Variants in NCALD observed in about 807,000 individuals in gnomAD.
NCALD encodes neurocalcin-delta.
In NCALD, 10 loss-of-function variants were observed where a neutral mutation model predicts 18.6. That is an observed-to-expected ratio of 0.54 (90% confidence interval 0.33 to 0.91). The LOEUF (loss-of-function observed/expected upper bound fraction) is 0.91, where lower values mean the gene tolerates loss of function less well. Among genes scored for constraint, NCALD ranks in the 40% least tolerant of loss-of-function variants. The pLI, the probability that NCALD is intolerant of heterozygous loss-of-function variation, is 0.03. For synonymous variants in NCALD, 88 were observed against 87.4 expected, an observed-to-expected ratio of 1.01 and a Z score of -0.04; for missense variants, 184 against 247.6, an observed-to-expected ratio of 0.74 and a Z score of 1.72.
intron 2 of NCALD, among the ~76,000 whole-genome samples, chr8:101,931,875 G>T (rs1818587226): frequency 2.0e-5 from 3 of 152,154 alleles, no homozygotes; most frequent in Admixed American, 1.3e-4. Flanking sequence ...GGGAGCAAAT[G>T]TATTAATGGG....
intron 4 of NCALD, among the ~76,000 whole-genome samples, chr8:101,865,564 T>G (rs761789493): frequency 4.6e-5 from 7 of 152,136 alleles, no homozygotes; most frequent in Non-Finnish European, 1.0e-4. Flanking sequence ...GAGTTTATAC[T>G]GTGTGGAAAT....
intron 1 of NCALD, among the ~76,000 whole-genome samples, chr8:101,738,069 CAG>C (rs1011420261): frequency 1.3e-5 from 2 of 152,154 alleles, no homozygotes; most frequent in Non-Finnish European, 2.9e-5. Context: ...GTCATCTTTT[CAG>C]AGAGTCTTCT....
intron 1 of NCALD, among the ~76,000 whole-genome samples, chr8:102,105,119 C>T (rs1825403741): frequency 6.6e-6 from 1 of 152,166 alleles, no homozygotes; most frequent in Admixed American, 6.5e-5. Context: ...CAGCCTTTGC[C>T]TTTACAATCA....
chr8:101,935,783 C>CTT lies in NCALD; in HGVS notation c.-156-19927_-156-19926dup, dbSNP rs35929551. On this transcript the variant is annotated intron_variant, in intron 2 of 6. Transcript: ENST00000311028. The stretch of plus-strand genomic sequence containing the variant: ...CTATAGCTTAGAGGATCAAGAGATT[C>CTT]TTTTTTTTTTTTTTTTTTTTTTAAA... Among the ~76,000 whole-genome samples, 437 of 103,432 alleles carry CTT rather than the reference C, an allele frequency of 4.2e-3. 7 individuals carry two copies. The highest frequency in any genetic ancestry group is 0.014 in the African/African-American group (387 of 28,144). The allele number at this position is 103,432 out of a possible 152,430, so 67.9% of individuals were successfully genotyped here.
At chr8:101,715,217 A>T (rs1816019211) in intron 2 of NCALD, among the ~76,000 whole-genome samples, 1 of 152,290 alleles carries the variant, frequency 6.6e-6, no homozygotes, top group South Asian at 2.1e-4. Flanking sequence ...TCACAAAAAC[A>T]AGAAATGGGG....
rs145958528 is a variant in NCALD at position 101,766,680 on chromosome 8, G to A, written c.-20+24182C>T. On this transcript the variant is annotated intron_variant, in intron 1 of 3. Coordinates refer to ENST00000220931, the MANE Select transcript of NCALD (RefSeq NM_032041.3). ...CAACCTCTGAATCCTGGGTTCAAGCGATTCTCATGCCTCAGCCTCCCGAGT... is the reference window on the plus strand; with the variant it reads ...CAACCTCTGAATCCTGGGTTCAAGCAATTCTCATGCCTCAGCCTCCCGAGT... Among the ~76,000 whole-genome samples the A allele has an allele frequency of 4.9e-3, 743 of 152,230 alleles. 4 individuals are homozygous for A. Among genetic ancestry groups the A allele is most frequent in the African/African-American group, 0.017 (719 of 41,548 alleles).
chr8:101,869,336 T>G (rs1024059103), intron 4 of NCALD, among the ~76,000 whole-genome samples: 1 of 151,982 alleles, frequency 6.6e-6, no homozygotes, highest in Non-Finnish European at 1.5e-5. Flanking sequence ...AGTAAGAGGT[T>G]GGAGTGATGA....
intron 4 of NCALD, among the ~76,000 whole-genome samples, chr8:101,836,273 A>G (rs961168538): frequency 6.6e-6 from 1 of 152,182 alleles, no homozygotes; most frequent in African/African-American, 2.4e-5. Context: ...TGCCATTTGT[A>G]AACACAAATG....
At chr8:101,988,154 C>CAAAAAAAAAAAAAAAAAAAAAAAA (rs141735735) in intron 2 of NCALD, among the ~76,000 whole-genome samples, 1 of 37,178 alleles carries the variant, frequency 2.7e-5, no homozygotes, top group Non-Finnish European at 4.8e-5. Context: ...GACTCCGTCT[C>CAAAAAAAAAAAAAAAAAAAAAAAA]AAAAAAAAAA....
At chr8:101,967,993 G>A (rs192565927) in intron 2 of NCALD, among the ~76,000 whole-genome samples, 233 of 152,288 alleles carry the variant, frequency 1.5e-3, no homozygotes, top group Admixed American at 2.6e-3. Flanking sequence ...CACTAGCCAT[G>A]AGAACAAGTC....
intron 1 of NCALD, among the ~76,000 whole-genome samples, chr8:102,082,172 T>C (rs1259928513): frequency 6.6e-6 from 1 of 151,884 alleles, no homozygotes; most frequent in African/African-American, 2.4e-5. Flanking sequence ...CTTTTGGTGC[T>C]TATTATTCTC....
chr8:102,093,383 A>G (rs1824989183), intron 1 of NCALD, among the ~76,000 whole-genome samples: 2 of 152,240 alleles, frequency 1.3e-5, no homozygotes, highest in Non-Finnish European at 2.9e-5. Context: ...AGAGATTGCT[A>G]GCTGCCAACA....
At chr8:101,830,740 C>CT (rs750459094) in intron 4 of NCALD, among the ~76,000 whole-genome samples, 2,119 of 132,062 alleles carry the variant, frequency 0.016, 22 homozygotes, top group East Asian at 0.033. Context: ...GAGAGGAATA[C>CT]TTTTTTTTTT....
intron 2 of NCALD, chr8:101,694,012 A>AC (rs111896806): frequency 0.46 from 70,366 of 151,550 alleles, 16,864 homozygotes; most frequent in South Asian, 0.58. Flanking sequence ...CTATCACCCC[A>AC]TGCCTGTGAC....
intron 1 of NCALD, among the ~76,000 whole-genome samples, chr8:102,062,190 G>A (rs1015770470): frequency 3.9e-5 from 6 of 152,222 alleles, no homozygotes; most frequent in African/African-American, 1.4e-4. Flanking sequence ...GATCACTTGA[G>A]GCCAGGAGAG....
intron 1 of NCALD, among the ~76,000 whole-genome samples, chr8:102,051,568 C>T (rs752291939): frequency 2.7e-4 from 41 of 152,244 alleles, no homozygotes; most frequent in Non-Finnish European, 5.1e-4. Context: ...TCTTTTCTTT[C>T]GTCAACTGGT....
chr8:102,031,150 A>C (rs1266857308), intron 1 of NCALD, among the ~76,000 whole-genome samples: 1 of 152,178 alleles, frequency 6.6e-6, no homozygotes, highest in East Asian at 1.9e-4. Context: ...AATTCCAGCC[A>C]CCATGCTGCA....
chr8:101,736,329 A>G (rs1247346730), intron 1 of NCALD, among the ~76,000 whole-genome samples: 2 of 152,180 alleles, frequency 1.3e-5, no homozygotes, highest in African/African-American at 4.8e-5. Flanking sequence ...CTGTCTAAAG[A>G]GTGGTCACAA....
intron 1 of NCALD, among the ~76,000 whole-genome samples, chr8:101,743,004 C>A (rs1810278218): frequency 6.6e-6 from 1 of 152,162 alleles, no homozygotes; most frequent in African/African-American, 2.4e-5. Flanking sequence ...GACATGATCT[C>A]ATTCCTTTTC....
Sources: allele counts gnomAD v4.1 joint callset (sites outside exome capture counted in the v4.1 genomes callset), GRCh38; gene constraint gnomAD v4.1.1; transcripts MANE v1.5; gene names NCBI Gene and HGNC (gene_info 2026-07-23, HGNC 2026-07-21).